TYW3: variants seen among roughly 807,000 people sequenced by gnomAD.
TYW3 encodes the protein tRNA wybutosine-synthesizing protein 3 homolog.
A neutral mutation model predicts 23.1 loss-of-function variants in TYW3; 26 were observed. That is an observed-to-expected ratio of 1.13 (90% confidence interval 0.83 to 1.56). TYW3 has a LOEUF of 1.56. Ranked by LOEUF, TYW3 falls within the 40% of genes most tolerant of loss-of-function variation. TYW3 has a pLI of 0.00. For synonymous variants in TYW3, 102 were observed against 105.7 expected, an observed-to-expected ratio of 0.97 and a Z score of 0.21; for missense variants, 316 against 311.9, an observed-to-expected ratio of 1.01 and a Z score of -0.10.
intron 3 of TYW3, among the ~76,000 whole-genome samples, chr1:74,741,631 G>A (rs539585183): frequency 1.4e-3 from 216 of 152,260 alleles, no homozygotes; most frequent in Middle Eastern, 3.4e-3. Context: ...GGTTTTTAAG[G>A]TTTCGTTGAT....
rs1167148777 is a variant in TYW3, at chr1:74,764,019, C to T, written c.686C>T (p.Ala229Val). 3.1e-6 allele frequency: 5 copies of T among 1,612,746 alleles called. No individual in the cohort carries two copies. The highest frequency in any genetic ancestry group is 1.7e-5 in the Admixed American group (1 of 59,840). ...AAAAGAAACCCAGAAAAAACACGTG[C>T]CCAGTGTATTACTAAAGAAAGTGAT... ...KKKRNPEKTR[A>V]QCITKESDEE... is the part of the protein sequence containing the mutation. The change falls in exon 6 of 6, where the codon GCC (alanine) becomes GTC (valine). Residue 229 changes from alanine (A) to valine (V), a missense_variant. Physicochemically the swap from Ala to Val is moderately conservative, Grantham distance 64. Transcript: ENST00000370867.
chr1:74,765,202 T>C lies in TYW3; in HGVS notation c.*1089T>C, dbSNP rs1302081466. On this transcript the variant is annotated 3_prime_UTR_variant, in exon 6 of 6. Coordinates refer to ENST00000370867, the MANE Select transcript of TYW3 (RefSeq NM_138467.3). ...AACAGACTTATTCCTGGAGACAGCATTTGAGGAGGAATTGAAGATTTTTCT... is the reference window on the plus strand; with the variant it reads ...AACAGACTTATTCCTGGAGACAGCACTTGAGGAGGAATTGAAGATTTTTCT... 2 of 152,028 alleles carry C rather than the reference T, an allele frequency of 1.3e-5. No individual in the cohort carries two copies. The highest frequency in any genetic ancestry group is 2.9e-5 in the Non-Finnish European group (2 of 67,968). The allele number at this position is 152,028 out of a possible 1,614,324, so 9.4% of individuals were successfully genotyped here.
chr1:74,733,200 A>T lies in TYW3; in HGVS notation c.-45A>T. The T allele has an allele frequency of 6.2e-7, 1 of 1,602,204 alleles. No homozygotes were observed. Among genetic ancestry groups the T allele is most frequent in the Non-Finnish European group, 8.5e-7 (1 of 1,173,812 alleles). Reference sequence around the variant, plus strand: ...ATATGGCTGCCCCCAGGGAGAGACGAGGCTACCATGAAGGAGCCGAGCGCA... The same window carrying T: ...ATATGGCTGCCCCCAGGGAGAGACGTGGCTACCATGAAGGAGCCGAGCGCA... On this transcript the variant is annotated 5_prime_UTR_variant, in exon 1 of 6. Transcript: ENST00000370867.
chr1:74,751,164 C>T (rs1648773055), intron 4 of TYW3: 1 of 152,108 alleles, frequency 6.6e-6, no homozygotes, highest in Non-Finnish European at 1.5e-5. Flanking sequence ...AAAATCCCAA[C>T]TCAATTGCTG....
chr1:74,733,196 G>A lies in TYW3; in HGVS notation c.-49G>A. On this transcript the variant is annotated 5_prime_UTR_variant, in exon 1 of 6. Coordinates refer to ENST00000370867, the MANE Select transcript of TYW3 (RefSeq NM_138467.3). ...TTCAATATGGCTGCCCCCAGGGAGA[G>A]ACGAGGCTACCATGAAGGAGCCGAG... is the stretch of plus-strand genomic sequence containing the variant. The A allele has an allele frequency of 1.3e-6, 2 of 1,598,022 alleles. No homozygotes were observed. Among genetic ancestry groups the A allele is most frequent in the Non-Finnish European group, 1.7e-6 (2 of 1,171,708 alleles).
intron 5 of TYW3, among the ~76,000 whole-genome samples, chr1:74,755,178 T>A (rs889466879): frequency 2.0e-5 from 3 of 152,184 alleles, no homozygotes; most frequent in African/African-American, 7.2e-5. Context: ...GTTTTTTTTT[T>A]AACTCTATTT....
intron 5 of TYW3, among the ~76,000 whole-genome samples, chr1:74,756,095 T>C (rs1648945772): frequency 6.6e-6 from 1 of 152,242 alleles, no homozygotes; most frequent in Non-Finnish European, 1.5e-5. Context: ...CCCAGCCACA[T>C]GGAACTGTAA....
At chr1:74,763,843 C>A in intron 5 of TYW3, 51 bp from the exon 6 acceptor site, 4 of 1,418,668 alleles carry the variant, frequency 2.8e-6, no homozygotes, top group South Asian at 2.7e-5. Flanking sequence ...GTATTTCAGT[C>A]ATTTCGTTTC....
At position 74,765,397 on chromosome 1, in the gene TYW3, T is replaced by G. The variant is rs1194269895; in HGVS notation, c.*1284T>G. ...ATGGCAACTCGTTCAGCTATGTAAGTTGAACTCTGTACCACTTGGGAGGGA... is the reference window on the plus strand; with the variant it reads ...ATGGCAACTCGTTCAGCTATGTAAGGTGAACTCTGTACCACTTGGGAGGGA... On this transcript the variant is annotated 3_prime_UTR_variant, in exon 6 of 6. Transcript: ENST00000370867. The G allele has an allele frequency of 6.6e-6, 1 of 152,152 alleles. No individual in the cohort carries two copies. The highest frequency in any genetic ancestry group is 6.6e-5 in the Admixed American group (1 of 15,262). The allele number at this position is 152,152 out of a possible 1,614,324, so 9.4% of individuals were successfully genotyped here.
At chr1:74,743,705 G>A (rs1165729076) in intron 3 of TYW3, among the ~76,000 whole-genome samples, 2 of 152,164 alleles carry the variant, frequency 1.3e-5, no homozygotes, top group Non-Finnish European at 2.9e-5. Context: ...CCATACTGGG[G>A]ATGGCTTGCT....
At chr1:74,754,300 T>C (rs753969354) in intron 5 of TYW3, among the ~76,000 whole-genome samples, 1 of 152,206 alleles carries the variant, frequency 6.6e-6, no homozygotes, top group Non-Finnish European at 1.5e-5. Context: ...CTTAAATCCA[T>C]TGACTCAAAA....
In TYW3 at chr1:74,733,169, G is replaced by A; in HGVS notation, c.-76G>A. The A allele has an allele frequency of 2.6e-6, 4 of 1,529,290 alleles. No homozygotes were observed. The South Asian group carries it at 5.0e-5, about 19-fold the overall frequency. 94.7% of individuals were successfully genotyped at this position (1,529,290 alleles called of 1,614,324 possible). Reference sequence around the variant, plus strand: ...GTTTGGACCTTTTCGGCCACCGCTCGCTTCAATATGGCTGCCCCCAGGGAG... The same window carrying A: ...GTTTGGACCTTTTCGGCCACCGCTCACTTCAATATGGCTGCCCCCAGGGAG... On this transcript the variant is annotated 5_prime_UTR_variant, in exon 1 of 6. Coordinates refer to ENST00000370867, the MANE Select transcript of TYW3 (RefSeq NM_138467.3).
At chr1:74,761,284 A>G (rs892816417) in intron 5 of TYW3, among the ~76,000 whole-genome samples, 23 of 152,094 alleles carry the variant, frequency 1.5e-4, no homozygotes, top group African/African-American at 5.6e-4. Context: ...TCTTTGTTCC[A>G]TTTTACCAGT....
chr1:74,758,821 C>A (rs1409594245), intron 5 of TYW3, among the ~76,000 whole-genome samples: 2 of 152,186 alleles, frequency 1.3e-5, no homozygotes, highest in African/African-American at 4.8e-5. Context: ...AGGACTCCCC[C>A]CACCAGCCCC....
intron 3 of TYW3, among the ~76,000 whole-genome samples, chr1:74,742,950 A>T (rs1648415038): frequency 6.6e-6 from 1 of 152,160 alleles, no homozygotes; most frequent in Non-Finnish European, 1.5e-5. Context: ...GGAGGAAGTC[A>T]ATTTCCTGGC....
At chr1:74,738,637 C>G in intron 2 of TYW3, 53 bp from the exon 3 acceptor site, 1 of 1,292,048 alleles carries the variant, frequency 7.7e-7, no homozygotes, top group Non-Finnish European at 1.1e-6. Flanking sequence ...GGTAAAGGGT[C>G]GCCAAAGGAC....
Position 74,766,296 on chromosome 1 carries a change from C to G in TYW3, c.*2183C>G, listed in dbSNP as rs1649304076. Reference sequence around the variant, plus strand: ...AACTGTAAAACAGCTTCTGACAGGTCCTTCAGGAAGTACTCCAGAAGAAGG... The same window carrying G: ...AACTGTAAAACAGCTTCTGACAGGTGCTTCAGGAAGTACTCCAGAAGAAGG... On this transcript the variant is annotated 3_prime_UTR_variant, in exon 6 of 6. Coordinates refer to ENST00000370867, the MANE Select transcript of TYW3 (RefSeq NM_138467.3). The G allele has an allele frequency of 6.6e-6, 1 of 151,986 alleles. No individual in the cohort carries two copies. The highest frequency in any genetic ancestry group is 1.9e-4 in the East Asian group (1 of 5,186). The allele number at this position is 151,986 out of a possible 1,614,324, so 9.4% of individuals were successfully genotyped here.
intron 5 of TYW3, among the ~76,000 whole-genome samples, chr1:74,752,653 AT>A (rs1648825574): frequency 6.6e-6 from 1 of 152,072 alleles, no homozygotes; most frequent in Non-Finnish European, 1.5e-5. Context: ...TCTCTGGGGG[AT>A]GGTAGGCACG....
chr1:74,747,996 G>A (rs1648647214), intron 3 of TYW3, among the ~76,000 whole-genome samples: 1 of 152,070 alleles, frequency 6.6e-6, no homozygotes, highest in Admixed American at 6.6e-5. Flanking sequence ...TTAGAGCAAG[G>A]TTTTTCAACC....
Sources: gnomAD v4.1 joint callset for allele counts (sites outside exome capture counted in the v4.1 genomes callset) on GRCh38, gnomAD v4.1.1 for gene constraint, MANE v1.5 for transcripts, NCBI Gene and HGNC (gene_info 2026-07-23, HGNC 2026-07-21) for gene names.